Variants in MTHFD2L observed in about 807,000 individuals in gnomAD.
MTHFD2L encodes bifunctional methylenetetrahydrofolate dehydrogenase/cyclohydrolase 2, mitochondrial.
MTHFD2L carries 29 observed loss-of-function variants against 34.9 expected under a neutral mutation model. That is an observed-to-expected ratio of 0.83 (90% CI 0.62 to 1.13). The LOEUF is 1.13. Among genes scored for constraint, MTHFD2L ranks in the 50% most tolerant of loss-of-function variants. MTHFD2L has a pLI of 0.00. For missense variants in MTHFD2L, 481 were observed against 446.5 expected, an observed-to-expected ratio of 1.08 and a Z score of -0.70; for synonymous variants, 167 against 155.7, an observed-to-expected ratio of 1.07 and a Z score of -0.54.
At chr4:74,201,872 T>C (rs1447610651) in intron 5 of MTHFD2L, among the ~76,000 whole-genome samples, 5 of 152,276 alleles carry the variant, frequency 3.3e-5, no homozygotes, top group Non-Finnish European at 5.9e-5. Context: ...CCCAGGAAGA[T>C]GTGTTAGCCT....
intron 6 of MTHFD2L, among the ~76,000 whole-genome samples, chr4:74,278,899 G>A (rs186690969): frequency 1.9e-4 from 29 of 152,162 alleles, no homozygotes; most frequent in Admixed American, 1.2e-3. Flanking sequence ...ATTGACAAAT[G>A]CTTTTCACAG....
At chr4:74,209,215 T>G (rs992419308) in intron 5 of MTHFD2L, among the ~76,000 whole-genome samples, 3 of 152,156 alleles carry the variant, frequency 2.0e-5, no homozygotes, top group African/African-American at 7.2e-5. Flanking sequence ...GAAAAACGTT[T>G]AAGTTCTGGG....
chr4:74,157,307 C>A (rs1236555453), upstream of MTHFD2L: 1 of 250,004 alleles, frequency 4.0e-6, no homozygotes, highest in East Asian at 1.1e-4. Flanking sequence ...GACTCAACAG[C>A]AGCAGCCTGA....
intron 3 of MTHFD2L, chr4:74,180,649 A>C (rs1305656464): frequency 8.9e-6 from 4 of 447,128 alleles, no homozygotes; most frequent in Admixed American, 2.4e-5. Context: ...GTTTAATGGT[A>C]CTGGGACTGT....
At chr4:74,229,766 T>G (rs1739724402) in intron 6 of MTHFD2L, among the ~76,000 whole-genome samples, 1 of 152,160 alleles carries the variant, frequency 6.6e-6, no homozygotes, top group South Asian at 2.1e-4. Context: ...ATCTGCAGAA[T>G]CAGACCCTGT....
At chr4:74,250,765 C>T (rs1743192077) in intron 6 of MTHFD2L, among the ~76,000 whole-genome samples, 1 of 152,182 alleles carries the variant, frequency 6.6e-6, no homozygotes, top group African/African-American at 2.4e-5. Context: ...TCAACCCCTT[C>T]ATAACTGTTT....
intron 7 of MTHFD2L, among the ~76,000 whole-genome samples, chr4:74,290,051 A>C (rs771496981): frequency 6.6e-6 from 1 of 152,172 alleles, no homozygotes; most frequent in Non-Finnish European, 1.5e-5. Context: ...AGGAAGTATG[A>C]TATTGTATAC....
chr4:74,158,233 C>T lies in MTHFD2L; in HGVS notation c.95C>T (p.Pro32Leu), dbSNP rs1224584467. Residue 32 changes from proline (P) to leucine (L), a missense_variant, in exon 1 of 8, where the codon CCG (proline) becomes CTG (leucine). Transcript: ENST00000325278. ...GRSTAPSVRAPGEPGSAFRGF... is the reference protein window; with the variant it reads ...GRSTAPSVRALGEPGSAFRGF... ...AGCACAGCACCCTCCGTAAGGGCACCGGGAGAGCCCGGGAGTGCGTTCCGG... is the reference window on the plus strand; with the variant it reads ...AGCACAGCACCCTCCGTAAGGGCACTGGGAGAGCCCGGGAGTGCGTTCCGG... 1 of 1,481,292 alleles carries T rather than the reference C, an allele frequency of 6.8e-7. No homozygotes were observed. The highest frequency in any genetic ancestry group is 8.9e-7 in the Non-Finnish European group (1 of 1,117,600). The allele number at this position is 1,481,292 out of a possible 1,614,324, so 91.8% of individuals were successfully genotyped here. A position where few individuals can be genotyped will look rare whatever the true frequency, so the allele number is the denominator to read the frequency against.
At chr4:74,249,304 C>A (rs979951639) in intron 6 of MTHFD2L, among the ~76,000 whole-genome samples, 1 of 151,532 alleles carries the variant, frequency 6.6e-6, no homozygotes, top group Admixed American at 6.6e-5. Context: ...GGATTGCAAC[C>A]CCTGCCTTTT....
At chr4:74,220,978 T>C (rs1738075303) in intron 5 of MTHFD2L, among the ~76,000 whole-genome samples, 1 of 151,122 alleles carries the variant, frequency 6.6e-6, no homozygotes, top group Non-Finnish European at 1.5e-5. Context: ...GCTTTATATT[T>C]ATTTTATAGG....
At chr4:74,144,773 A>C (rs1037163573) in intron 1 of MTHFD2L, among the ~76,000 whole-genome samples, 43 of 152,238 alleles carry the variant, frequency 2.8e-4, no homozygotes, top group African/African-American at 9.6e-4. Context: ...CATTTTTTAT[A>C]ATTTCTATGT....
At chr4:74,291,003 C>CCTTTTTTTT (rs1748846516) in intron 7 of MTHFD2L, among the ~76,000 whole-genome samples, 3 of 29,272 alleles carry the variant, frequency 1.0e-4, no homozygotes, top group Non-Finnish European at 2.0e-4. Flanking sequence ...TTTTCCTTTT[C>CCTTTTTTTT]TTTTTTTTTT....
At chr4:74,116,235 C>T (rs1236470203) in intron 2 of MTHFD2L, among the ~76,000 whole-genome samples, 1 of 152,118 alleles carries the variant, frequency 6.6e-6, no homozygotes, top group Non-Finnish European at 1.5e-5. Flanking sequence ...AGGAGTATAC[C>T]TGGGAGCCAG....
intron 1 of MTHFD2L, 78 bp from the exon 2 acceptor site, chr4:74,174,428 T>C (rs769013205): frequency 7.9e-6 from 9 of 1,142,640 alleles, no homozygotes; most frequent in African/African-American, 4.8e-5. Context: ...GGTGGTTTTA[T>C]TGAGTTTTGT....
chr4:74,192,309 A>G (rs986266799), intron 3 of MTHFD2L, among the ~76,000 whole-genome samples: 2 of 152,172 alleles, frequency 1.3e-5, no homozygotes, highest in Non-Finnish European at 2.9e-5. Context: ...AGACTGGTAC[A>G]ATGAACACTC....
At chr4:74,124,970 T>C (rs1721971653), upstream of MTHFD2L, among the ~76,000 whole-genome samples, 1 of 152,034 alleles carries the variant, frequency 6.6e-6, no homozygotes, top group Non-Finnish European at 1.5e-5. Flanking sequence ...TCTTTACAAA[T>C]AACATGGTAC....
At chr4:74,241,259 G>A (rs1341245958) in intron 6 of MTHFD2L, among the ~76,000 whole-genome samples, 3 of 152,066 alleles carry the variant, frequency 2.0e-5, no homozygotes, top group Non-Finnish European at 2.9e-5. Flanking sequence ...CCTCAAGCCC[G>A]TCGAATTATC....
chr4:74,244,184 C>A (rs905666772), intron 6 of MTHFD2L, among the ~76,000 whole-genome samples: 1 of 152,030 alleles, frequency 6.6e-6, no homozygotes, highest in Non-Finnish European at 1.5e-5. Flanking sequence ...GAGATAGAAC[C>A]ATCTATTTAT....
At position 74,165,311 on chromosome 4, in the gene MTHFD2L, A is replaced by G. The variant is rs540543941; in HGVS notation, c.143+7030A>G. On this transcript the variant is annotated intron_variant, in intron 1 of 7. Coordinates refer to ENST00000325278, the MANE Select transcript of MTHFD2L (RefSeq NM_001144978.3). ...AATCAGTTTCTTAGCTGTATCTTTT[A>G]ACACCTTGATCCTGATAATTTTCTG... 1.0e-3 allele frequency among the ~76,000 whole-genome samples: 156 copies of G among 152,294 alleles called. 4 individuals are homozygous for G. In the South Asian group the frequency reaches 0.025, roughly 25 times the overall value.
Sources: allele counts gnomAD v4.1 joint callset (sites outside exome capture counted in the v4.1 genomes callset), GRCh38; gene constraint gnomAD v4.1.1; transcripts MANE v1.5; gene names NCBI Gene and HGNC (gene_info 2026-07-23, HGNC 2026-07-21).